Variants in RARB observed in about 807,000 individuals in gnomAD.
The protein encoded by RARB is retinoic acid receptor beta.
RARB carries 17 observed loss-of-function variants against 51.9 expected under a neutral mutation model. That is an observed-to-expected ratio of 0.33 (90% CI 0.22 to 0.49). The LOEUF (loss-of-function observed/expected upper bound fraction) is 0.49. RARB is among the 20% of genes least tolerant of loss of function. The pLI is 0.99. For missense variants in RARB, 369 were observed against 550.8 expected, an observed-to-expected ratio of 0.67 and a Z score of 3.30; for synonymous variants, 215 against 195.4, an observed-to-expected ratio of 1.10 and a Z score of -0.84.
intron 2 of RARB, among the ~76,000 whole-genome samples, chr3:24,920,003 T>C (rs1575072192): frequency 1.3e-5 from 2 of 152,322 alleles, no homozygotes; most frequent in South Asian, 4.1e-4. Context: ...GCTTATTGAG[T>C]TAAATTTCTC....
At chr3:25,565,080 TA>T (rs1223096257) in intron 3 of RARB, among the ~76,000 whole-genome samples, 2 of 152,088 alleles carry the variant, frequency 1.3e-5, no homozygotes, top group African/African-American at 4.8e-5. Flanking sequence ...CCACACCCAG[TA>T]ATACACAGGC....
chr3:25,211,577 C>T (rs1701698614), intron 5 of RARB, among the ~76,000 whole-genome samples: 1 of 152,168 alleles, frequency 6.6e-6, no homozygotes, highest in Admixed American at 6.5e-5. Context: ...GATGGAGCAG[C>T]TGCCTGGTTC....
intron 2 of RARB, among the ~76,000 whole-genome samples, chr3:24,911,025 G>T (rs772614075): frequency 6.6e-6 from 1 of 152,072 alleles, no homozygotes; most frequent in South Asian, 2.1e-4. Context: ...ATTTCTCTTC[G>T]GCAAGCTGTG....
chr3:25,571,796 A>G (rs1185691797), intron 4 of RARB, among the ~76,000 whole-genome samples: 1 of 152,180 alleles, frequency 6.6e-6, no homozygotes, highest in Non-Finnish European at 1.5e-5. Context: ...GGAGGATGAA[A>G]TGAGACAATT....
intron 5 of RARB, among the ~76,000 whole-genome samples, chr3:25,328,384 G>A (rs1257783913): frequency 6.6e-6 from 1 of 152,238 alleles, no homozygotes; most frequent in Non-Finnish European, 1.5e-5. Flanking sequence ...GCTGAGCATG[G>A]TGGTGCACAC....
intron 5 of RARB, among the ~76,000 whole-genome samples, chr3:25,349,211 G>A (rs1705486515): frequency 6.6e-6 from 1 of 152,148 alleles, no homozygotes; most frequent in Admixed American, 6.6e-5. Flanking sequence ...GCACTACCTG[G>A]TAAATTCATG....
At chr3:25,478,417 G>C (rs946811984) in intron 2 of RARB, among the ~76,000 whole-genome samples, 2 of 152,192 alleles carry the variant, frequency 1.3e-5, no homozygotes, top group African/African-American at 4.8e-5. Context: ...TTGAGAGCCT[G>C]TTGTAGGAAA....
At chr3:25,349,076 G>A (rs1462926588) in intron 5 of RARB, among the ~76,000 whole-genome samples, 1 of 152,024 alleles carries the variant, frequency 6.6e-6, no homozygotes, top group African/African-American at 2.4e-5. Flanking sequence ...ACCCATTCAT[G>A]TCCTACATTT....
chr3:24,870,356 A>G (rs887578063), intron 2 of RARB, among the ~76,000 whole-genome samples: 21 of 152,086 alleles, frequency 1.4e-4, no homozygotes, highest in African/African-American at 4.8e-4. Flanking sequence ...CTATTTTTCC[A>G]TAATAGGAAA....
intron 2 of RARB, among the ~76,000 whole-genome samples, chr3:25,470,716 C>G (rs1695644301): frequency 6.6e-6 from 1 of 152,176 alleles, no homozygotes; most frequent in Non-Finnish European, 1.5e-5. Context: ...ATACCATTTC[C>G]TCAGAGAAGC....
At chr3:25,229,975 T>C (rs545133865) in intron 5 of RARB, among the ~76,000 whole-genome samples, 5 of 152,236 alleles carry the variant, frequency 3.3e-5, no homozygotes, top group South Asian at 4.1e-4. Flanking sequence ...ATAAAACATA[T>C]TTCTAGAGTG....
intron 5 of RARB, among the ~76,000 whole-genome samples, chr3:25,321,072 C>T (rs1052165264): frequency 6.6e-6 from 1 of 152,152 alleles, no homozygotes; most frequent in South Asian, 2.1e-4. Flanking sequence ...GGTATAACCC[C>T]GGTGTGGAAC....
At chr3:25,193,469 T>A (rs1701152756) in intron 5 of RARB, among the ~76,000 whole-genome samples, 1 of 152,060 alleles carries the variant, frequency 6.6e-6, no homozygotes, top group South Asian at 2.1e-4. Flanking sequence ...GATACTTCAT[T>A]GTACCCATGA....
intron 2 of RARB, among the ~76,000 whole-genome samples, chr3:24,882,119 G>A (rs888335011): frequency 6.6e-6 from 1 of 152,184 alleles, no homozygotes; most frequent in African/African-American, 2.4e-5. Flanking sequence ...TAGGTAGAAT[G>A]ACAGGCAAGA....
chr3:25,367,653 A>G (rs1575347421), intron 5 of RARB, among the ~76,000 whole-genome samples: 1 of 10,556 alleles, frequency 9.5e-5, no homozygotes, highest in African/African-American at 5.4e-4. Flanking sequence ...CCATCTCTAT[A>G]AAAAAAAAAA....
At chr3:25,200,735 A>G (rs1283188142) in intron 5 of RARB, among the ~76,000 whole-genome samples, 2 of 152,084 alleles carry the variant, frequency 1.3e-5, no homozygotes, top group Admixed American at 6.6e-5. Flanking sequence ...CAGGTTTGTC[A>G]AAGATCAGAT....
intron 2 of RARB, among the ~76,000 whole-genome samples, chr3:25,008,174 T>C (rs1376173155): frequency 6.6e-6 from 1 of 152,162 alleles, no homozygotes; most frequent in Non-Finnish European, 1.5e-5. Context: ...AGTGTTTCGT[T>C]TGGGCAGTTC....
intron 3 of RARB, among the ~76,000 whole-genome samples, chr3:25,114,082 A>G (rs1699646772): frequency 6.6e-6 from 1 of 152,318 alleles, no homozygotes; most frequent in Middle Eastern, 3.4e-3. Flanking sequence ...TGGGCATTTC[A>G]AAAGAATGCA....
chr3:25,364,898 A>G (rs188298541), intron 5 of RARB, among the ~76,000 whole-genome samples: 23 of 152,314 alleles, frequency 1.5e-4, no homozygotes, highest in Non-Finnish European at 3.1e-4. Context: ...CATTTTTGAC[A>G]ATTAAAATGC....
Sources: allele counts gnomAD v4.1 joint callset (sites outside exome capture counted in the v4.1 genomes callset), GRCh38; gene constraint gnomAD v4.1.1; transcripts MANE v1.5; gene names NCBI Gene and HGNC (gene_info 2026-07-23, HGNC 2026-07-21).